CDC23: variants seen among roughly 807,000 people sequenced by gnomAD.
CDC23 encodes cell division cycle 23.
In CDC23, 26 loss-of-function variants were observed where a neutral mutation model predicts 81.7. The observed-to-expected ratio is 0.32, with a 90% CI of 0.23 to 0.44. The LOEUF is 0.44. CDC23 is among the 20% of genes least tolerant of loss of function. CDC23 has a pLI of 1.00. For synonymous variants in CDC23, 267 were observed against 270.8 expected, an observed-to-expected ratio of 0.99 and a Z score of 0.14; for missense variants, 519 against 728.0, an observed-to-expected ratio of 0.71 and a Z score of 3.30.
chr5:138,189,541 G>A, intron 15 of CDC23, 92 bp downstream of exon 15: 3 of 1,287,054 alleles, frequency 2.3e-6, no homozygotes, highest in Non-Finnish European at 3.3e-6. Flanking sequence ...TTATAGGTGT[G>A]AGCCGCTTGC....
At chr5:138,205,787 G>T (rs767417730) in intron 3 of CDC23, 12 of 151,216 alleles carry the variant, frequency 7.9e-5, no homozygotes, top group South Asian at 2.1e-4. Flanking sequence ...GCTAATAGTT[G>T]ATCAACCTAA....
chr5:138,190,058 T>C (rs948744455), intron 13 of CDC23, 152 bp from the exon 14 acceptor site: 7 of 638,672 alleles, frequency 1.1e-5, no homozygotes, highest in Admixed American at 8.4e-5. Flanking sequence ...TAGTATTAGA[T>C]GTGATAGTTA....
chr5:138,201,624 G>A (rs945837591), intron 4 of CDC23, among the ~76,000 whole-genome samples, 176 bp from the exon 5 acceptor site: 3 of 152,060 alleles, frequency 2.0e-5, no homozygotes, highest in African/African-American at 2.4e-5. Context: ...TGGGATTATA[G>A]GTGTGAGCCA....
chr5:138,202,328 G>A (rs888903424), intron 3 of CDC23, among the ~76,000 whole-genome samples, 173 bp from the exon 4 acceptor site: 2 of 152,058 alleles, frequency 1.3e-5, no homozygotes, highest in East Asian at 1.9e-4. Context: ...TTGTTGCCCA[G>A]GCTGGAGTGC....
In CDC23 at chr5:138,192,329, T is replaced by C; in HGVS notation, c.1226A>G (p.Tyr409Cys). The C allele has an allele frequency of 1.9e-6, 3 of 1,614,252 alleles. No homozygotes were observed. The highest frequency in any genetic ancestry group is 2.5e-6 in the Non-Finnish European group (3 of 1,180,038). The change falls in exon 11 of 16, where the codon TAT (tyrosine) becomes TGT (cysteine). Residue 409 changes from tyrosine to cysteine, a missense_variant. Physicochemically the swap from Tyr to Cys is radical, Grantham distance 194. Coordinates refer to ENST00000394886, the MANE Select transcript of CDC23 (RefSeq NM_004661.4). ...GTAAAATGGCATCTTAAGGATTTCA[T>C]AGGTCTGCCCGAGGCCATACCAAGC... ...YRAWYGLGQT[Y>C]EILKMPFYCL... is the part of the protein sequence containing the mutation.
rs771758893 is a variant in CDC23, at chr5:138,189,164, G to C, written c.1624-16C>G. On this transcript the variant is annotated splice_polypyrimidine_tract_variant and intron_variant, in intron 15 of 15. Transcript: ENST00000394886. ...CTTCCCGGGTCTGCAACAAAGTCAG[G>C]GAAATGTTTCAAAACATGTCCAAAG... 1.2e-6 allele frequency: 2 copies of C among 1,609,738 alleles called. No homozygotes were observed. Among genetic ancestry groups the C allele is most frequent in the Admixed American group, 3.4e-5 (2 of 59,184 alleles).
At chr5:138,202,056 C>A in intron 4 of CDC23, 57 bp downstream of exon 4, 1 of 1,219,504 alleles carries the variant, frequency 8.2e-7, no homozygotes, top group Non-Finnish European at 1.2e-6. Flanking sequence ...CTGTTGGAGG[C>A]ATTTAAGTTT....
chr5:138,195,782 AC>A (rs1205028528), intron 9 of CDC23, among the ~76,000 whole-genome samples: 11 of 126,112 alleles, frequency 8.7e-5, no homozygotes, highest in East Asian at 4.1e-4. Flanking sequence ...GTGTATATAT[AC>A]ATATATTTTA....
At chr5:138,201,887 G>A (rs1392594783) in intron 4 of CDC23, among the ~76,000 whole-genome samples, 1 of 152,138 alleles carries the variant, frequency 6.6e-6, no homozygotes, top group Non-Finnish European at 1.5e-5. Context: ...CAGGTTGCAG[G>A]GAACAGGGTA....
At position 138,189,664 on chromosome 5, in the gene CDC23, G is replaced by A. The variant is rs1754804345; in HGVS notation, c.1592C>T (p.Thr531Ile). 1 of 1,614,012 alleles carries A rather than the reference G, an allele frequency of 6.2e-7. No homozygotes were observed. Among genetic ancestry groups the A allele is most frequent in the Non-Finnish European group, 8.5e-7 (1 of 1,179,890 alleles). The stretch of plus-strand genomic sequence containing the variant: ...AAATGCACAACACTTTTGTGCACAA[G>A]TTGAAGCTTCATCCCACAGTTTGCA... ...FKCKLWDEAS[T>I]CAQKCCAFND... Residue 531 changes from threonine (T) to isoleucine (I), a missense_variant, in exon 15 of 16, where the codon ACT (threonine) becomes ATT (isoleucine). By Grantham distance (89) the Thr-to-Ile change is moderately conservative (BLOSUM62 -1). Coordinates refer to ENST00000394886, the MANE Select transcript of CDC23 (RefSeq NM_004661.4).
At chr5:138,191,186 G>A (rs1754823183) in intron 13 of CDC23, among the ~76,000 whole-genome samples, 1 of 151,976 alleles carries the variant, frequency 6.6e-6, no homozygotes, top group Non-Finnish European at 1.5e-5. Flanking sequence ...CGCGATCTCG[G>A]CTCACTGCAA....
At chr5:138,201,510 AT>A in intron 4 of CDC23, 62 bp from the exon 5 acceptor site, 1 of 1,081,882 alleles carries the variant, frequency 9.2e-7, no homozygotes, top group South Asian at 1.5e-5. Flanking sequence ...TTCTTATTTT[AT>A]TTATTTATTT....
At chr5:138,202,004 T>C (rs1226176550) in intron 4 of CDC23, 109 bp downstream of exon 4, 4 of 748,520 alleles carry the variant, frequency 5.3e-6, no homozygotes, top group Non-Finnish European at 8.9e-6. Flanking sequence ...TGCTTTCCAA[T>C]TTGTAATGGT....
chr5:138,211,013 C>G (rs1017314144), intron 2 of CDC23, among the ~76,000 whole-genome samples: 1 of 152,160 alleles, frequency 6.6e-6, no homozygotes, highest in Admixed American at 6.6e-5. Context: ...AATCCCATTA[C>G]TGGGTATATA....
At chr5:138,201,585 G>T (rs781186218) in intron 4 of CDC23, 137 bp from the exon 5 acceptor site, 173 of 622,526 alleles carry the variant, frequency 2.8e-4, no homozygotes, top group Non-Finnish European at 4.0e-4. Context: ...GGGCTCAAGT[G>T]ATCCTTCCGC....
chr5:138,205,089 A>AT (rs1234262418), intron 3 of CDC23, among the ~76,000 whole-genome samples: 1 of 151,580 alleles, frequency 6.6e-6, no homozygotes, highest in East Asian at 1.9e-4. Context: ...TAATTATTGT[A>AT]TTTTTTGTAG....
At chr5:138,202,345 G>A (rs1372070410) in intron 3 of CDC23, among the ~76,000 whole-genome samples, 190 bp from the exon 4 acceptor site, 2 of 152,122 alleles carry the variant, frequency 1.3e-5, no homozygotes, top group Non-Finnish European at 2.9e-5. Context: ...GTGCAGTAGC[G>A]TGGTCTCAGC....
In CDC23 at chr5:138,197,901, T is replaced by C. The variant is rs17228456; in HGVS notation, c.1012+298A>G. Reference sequence around the variant, plus strand: ...CAGTGAGCTTTCACATTCTATGGTATGTATTTGTTACCTTTGGCACTTTTG... The same window carrying C: ...CAGTGAGCTTTCACATTCTATGGTACGTATTTGTTACCTTTGGCACTTTTG... On this transcript the variant is annotated intron_variant, in intron 9 of 15. Transcript: ENST00000394886. Among the ~76,000 whole-genome samples the C allele has an allele frequency of 4.6e-5, 7 of 152,336 alleles. No homozygotes were observed. In the South Asian group the frequency reaches 1.4e-3, roughly 32 times the overall value.
At chr5:138,207,216 G>A (rs1755060490) in intron 2 of CDC23, among the ~76,000 whole-genome samples, 1 of 151,988 alleles carries the variant, frequency 6.6e-6, no homozygotes, top group Admixed American at 6.6e-5. Flanking sequence ...ATAAAAAAAT[G>A]GAGAAAAAAG....
Sources: gnomAD v4.1 joint callset for allele counts (sites outside exome capture counted in the v4.1 genomes callset) on GRCh38, gnomAD v4.1.1 for gene constraint, MANE v1.5 for transcripts, NCBI Gene and HGNC (gene_info 2026-07-23, HGNC 2026-07-21) for gene names.